CHODL: variants seen among roughly 807,000 people sequenced by gnomAD.
The protein encoded by CHODL is chondrolectin, also known as transmembrane protein MT75.
CHODL carries 29 observed loss-of-function variants against 34.5 expected under a neutral mutation model. That is an observed-to-expected ratio of 0.84 (90% confidence interval 0.63 to 1.15). The LOEUF is 1.15. Among genes scored for constraint, CHODL ranks in the 50% most tolerant of loss-of-function variants. The probability of loss-of-function intolerance (pLI) is 0.00; values close to 1 mark genes in which losing one functional copy is unlikely to be tolerated. For synonymous variants in CHODL, 125 were observed against 116.1 expected, an observed-to-expected ratio of 1.08 and a Z score of -0.49; for missense variants, 332 against 332.5, an observed-to-expected ratio of 1.00 and a Z score of 0.01.
upstream of CHODL, among the ~76,000 whole-genome samples, chr21:18,241,492 T>A (rs2074081736): frequency 6.6e-6 from 1 of 152,122 alleles, no homozygotes. Flanking sequence ...TTGTAACAAA[T>A]CTCCTTTGAA....
chr21:17,957,112 A>G (rs1291017919), intron 1 of CHODL, among the ~76,000 whole-genome samples: 1 of 152,094 alleles, frequency 6.6e-6, no homozygotes, highest in Non-Finnish European at 1.5e-5. Flanking sequence ...GATAGTTGAT[A>G]ATTGTCCTGG....
chr21:18,164,351 G>A (rs915896439), intron 2 of CHODL, among the ~76,000 whole-genome samples: 13 of 152,170 alleles, frequency 8.5e-5, no homozygotes, highest in African/African-American at 2.9e-4. Context: ...AAATTGCAGT[G>A]GCACTTTAAA....
Position 17,993,552 on chromosome 21 carries a change from C to CT in CHODL, c.-144-34314dup, listed in dbSNP as rs1287255408. 3.3e-5 allele frequency among the ~76,000 whole-genome samples: 5 copies of CT among 152,258 alleles called. No individual in the cohort carries two copies. The South Asian group carries it at 1.0e-3, about 32-fold the overall frequency. On this transcript the variant is annotated intron_variant, in intron 1 of 6. Coordinates refer to the CHODL transcript ENST00000400127. Reference sequence around the variant, plus strand: ...TTCCTGCAAAGGACATGATCTCATTCTTTTTTATGGTTACATAATATTCCA... The same window carrying CT: ...TTCCTGCAAAGGACATGATCTCATTCTTTTTTTATGGTTACATAATATTCCA...
intron 2 of CHODL, among the ~76,000 whole-genome samples, chr21:18,159,363 T>C (rs530953207): frequency 3.2e-4 from 48 of 152,338 alleles, no homozygotes; most frequent in African/African-American, 1.1e-3. Flanking sequence ...ATGGGAACTA[T>C]TTTGTTCCCC....
chr21:18,024,292 C>T (rs904155575), intron 1 of CHODL, among the ~76,000 whole-genome samples: 1 of 152,112 alleles, frequency 6.6e-6, no homozygotes, highest in Non-Finnish European at 1.5e-5. Context: ...GTATCCTATT[C>T]TTTCTTTGAT....
chr21:18,230,656 CATTTCATAAATAT>C (rs779240928), intron 2 of CHODL, among the ~76,000 whole-genome samples: 2 of 151,984 alleles, frequency 1.3e-5, no homozygotes, highest in Non-Finnish European at 2.9e-5. Flanking sequence ...TGTCTAGTGG[CATTTCATAAATAT>C]AAAGCTTGTT....
chr21:18,232,330 C>G (rs538033604), intron 2 of CHODL, among the ~76,000 whole-genome samples: 8 of 151,870 alleles, frequency 5.3e-5, no homozygotes, highest in Admixed American at 2.6e-4. Context: ...AATATCATAA[C>G]CTGGGTCACT....
At chr21:17,923,342 T>G (rs1292835439) in intron 1 of CHODL, among the ~76,000 whole-genome samples, 4 of 151,916 alleles carry the variant, frequency 2.6e-5, no homozygotes, top group African/African-American at 9.7e-5. Context: ...ATGAGGTAGG[T>G]GTAAGCATGG....
In CHODL at chr21:18,260,192, AT is replaced by A; in HGVS notation, c.548-5del. 1 of 1,454,272 alleles carries A rather than the reference AT, an allele frequency of 6.9e-7. No individual in the cohort carries two copies. The allele number at this position is 1,454,272 out of a possible 1,614,324, so 90.1% of individuals were successfully genotyped here. A position where few individuals can be genotyped will look rare whatever the true frequency, so the allele number is the denominator to read the frequency against. ...ATTATATATGATGGTGGTTCTTATT[AT>A]TTACAGAGATTAATCCAACAGCCCC... On this transcript the variant is annotated splice_region_variant and splice_polypyrimidine_tract_variant and intron_variant, in intron 3 of 5. Coordinates refer to ENST00000299295, the MANE Select transcript of CHODL (RefSeq NM_024944.3).
chr21:17,964,115 G>T (rs1369970290), intron 1 of CHODL, among the ~76,000 whole-genome samples: 1 of 152,150 alleles, frequency 6.6e-6, no homozygotes, highest in African/African-American at 2.4e-5. Flanking sequence ...TAACATTCAT[G>T]CTTTGAAATT....
chr21:18,047,891 G>A (rs567007482), intron 2 of CHODL, among the ~76,000 whole-genome samples: 4 of 151,954 alleles, frequency 2.6e-5, no homozygotes, highest in Non-Finnish European at 5.9e-5. Flanking sequence ...GTGAGGACAA[G>A]AGGCCATTTT....
At chr21:18,133,371 A>G (rs1432092202) in intron 2 of CHODL, among the ~76,000 whole-genome samples, 1 of 152,204 alleles carries the variant, frequency 6.6e-6, no homozygotes, top group Admixed American at 6.5e-5. Context: ...TATACCTAAT[A>G]GAAAATTTCT....
At chr21:17,946,726 GCT>G (rs2063412717) in intron 1 of CHODL, among the ~76,000 whole-genome samples, 1 of 151,970 alleles carries the variant, frequency 6.6e-6, no homozygotes, top group Non-Finnish European at 1.5e-5. Context: ...AGCTACCCCT[GCT>G]TTCTTGATTT....
At chr21:17,997,795 C>T (rs1167820975) in intron 1 of CHODL, among the ~76,000 whole-genome samples, 1 of 152,092 alleles carries the variant, frequency 6.6e-6, no homozygotes, top group Non-Finnish European at 1.5e-5. Flanking sequence ...TCAATTATCT[C>T]CCCCACCCCT....
At chr21:18,084,920 AGTGTGTGTGTGTGT>A (rs376876845) in intron 2 of CHODL, among the ~76,000 whole-genome samples, 12 of 85,318 alleles carry the variant, frequency 1.4e-4, no homozygotes, top group South Asian at 6.7e-4. Flanking sequence ...GTCTAGTAAT[AGTGTGTGTGTGTGT>A]GTGTGTGTGT....
intron 2 of CHODL, among the ~76,000 whole-genome samples, chr21:18,108,117 A>G (rs62215391): frequency 0.035 from 5,199 of 149,162 alleles, 130 homozygotes; most frequent in Non-Finnish European, 0.051. Context: ...CAAGAAACTC[A>G]CTTTACAAGG....
At chr21:18,004,747 A>T (rs1411429443) in intron 1 of CHODL, among the ~76,000 whole-genome samples, 1 of 151,718 alleles carries the variant, frequency 6.6e-6, no homozygotes, top group Non-Finnish European at 1.5e-5. Flanking sequence ...CTTGACTTTG[A>T]TGTCTTATGT....
At position 18,152,007 on chromosome 21, in the gene CHODL, TG is replaced by T. The variant is rs1351284088; in HGVS notation, c.-44-104501del. Among the ~76,000 whole-genome samples, 3 of 151,798 alleles carry T rather than the reference TG, an allele frequency of 2.0e-5. No homozygotes were observed. In the East Asian group the frequency reaches 5.8e-4, roughly 29 times the overall value. On this transcript the variant is annotated intron_variant, in intron 2 of 6. Transcript: ENST00000400127. ...ATAACTCTGTGTGTGTGTGTGTGTGTGTGTGTGTGTGTGTGTGTTTGTGTGT... is the reference window on the plus strand; with the variant it reads ...ATAACTCTGTGTGTGTGTGTGTGTGTTGTGTGTGTGTGTGTGTTTGTGTGT...
intron 2 of CHODL, among the ~76,000 whole-genome samples, chr21:18,225,431 A>G (rs2073922409): frequency 6.6e-6 from 1 of 152,144 alleles, no homozygotes; most frequent in African/African-American, 2.4e-5. Context: ...AAATCTGATA[A>G]AACTGTGTAA....
Sources: gnomAD v4.1 joint callset for allele counts (sites outside exome capture counted in the v4.1 genomes callset) on GRCh38, gnomAD v4.1.1 for gene constraint, MANE v1.5 for transcripts, NCBI Gene and HGNC (gene_info 2026-07-23, HGNC 2026-07-21) for gene names.